Variants in SOX13 observed in about 807,000 individuals in gnomAD.
SOX13 encodes SRY-box transcription factor 13, also known as transcription factor SOX-13.
A neutral mutation model predicts 71.8 loss-of-function variants in SOX13; 28 were observed. The observed-to-expected ratio is 0.39, with a 90% CI of 0.29 to 0.53. The LOEUF (loss-of-function observed/expected upper bound fraction) is 0.53. Ranked by LOEUF, SOX13 falls within the 20% of genes least tolerant of loss-of-function variation. The pLI, the probability that SOX13 is intolerant of heterozygous loss-of-function variation, is 0.70. For missense variants in SOX13, 627 were observed against 810.3 expected, an observed-to-expected ratio of 0.77 and a Z score of 2.75; for synonymous variants, 309 against 317.8, an observed-to-expected ratio of 0.97 and a Z score of 0.29.
At chr1:204,086,302 A>T (rs113420844) in intron 1 of SOX13, among the ~76,000 whole-genome samples, 6,313 of 152,118 alleles carry the variant, frequency 0.042, 385 homozygotes, top group African/African-American at 0.14. Flanking sequence ...TCAACTTTTT[A>T]AAAAATTTTT....
chr1:204,087,558 G>C (rs1319420645), intron 1 of SOX13, among the ~76,000 whole-genome samples: 1 of 152,234 alleles, frequency 6.6e-6, no homozygotes, highest in Non-Finnish European at 1.5e-5. Flanking sequence ...TAAGGCCCTG[G>C]TCTAGCTTCT....
At chr1:204,075,412 C>T (rs1425707684) in intron 1 of SOX13, among the ~76,000 whole-genome samples, 1 of 152,378 alleles carries the variant, frequency 6.6e-6, no homozygotes, top group East Asian at 1.9e-4. Context: ...CCCCTGTTTC[C>T]ACTGTGCTTC....
chr1:204,115,647 GCTT>G (rs1007308930), intron 4 of SOX13, among the ~76,000 whole-genome samples: 21 of 135,952 alleles, frequency 1.5e-4, no homozygotes, highest in African/African-American at 4.3e-4. Context: ...ATATATTAGC[GCTT>G]CTTCTTCTTT....
intron 1 of SOX13, among the ~76,000 whole-genome samples, chr1:204,098,057 C>A (rs115757936): frequency 0.01 from 1,569 of 152,230 alleles, 32 homozygotes; most frequent in African/African-American, 0.036. Flanking sequence ...GATGGGATTT[C>A]ACCATGTTGC....
At chr1:204,108,073 A>T (rs1351387030) in intron 1 of SOX13, among the ~76,000 whole-genome samples, 1 of 152,136 alleles carries the variant, frequency 6.6e-6, no homozygotes, top group African/African-American at 2.4e-5. Flanking sequence ...GCTCAAAGGG[A>T]GGAGGTGTCC....
chr1:204,116,867 G>A lies in SOX13; in HGVS notation c.591+188G>A, dbSNP rs77760066. ...ATTCATGAGCCCTTGTACAGGGTTAGGGGTGGGAGGGTATGAAAGGGACTC... is the reference window on the plus strand; with the variant it reads ...ATTCATGAGCCCTTGTACAGGGTTAAGGGTGGGAGGGTATGAAAGGGACTC... On this transcript the variant is annotated intron_variant, in intron 5 of 13. Transcript: ENST00000367204. Among the ~76,000 whole-genome samples the A allele has an allele frequency of 2.4e-3, 358 of 152,302 alleles. 2 individuals are homozygous for A. The highest frequency in any genetic ancestry group is 8.2e-3 in the African/African-American group (340 of 41,562).
intron 1 of SOX13, among the ~76,000 whole-genome samples, chr1:204,085,968 CAAA>C (rs761848065): frequency 2.0e-5 from 2 of 98,038 alleles, no homozygotes; most frequent in Non-Finnish European, 2.2e-5. Context: ...GACTCCGTCT[CAAA>C]AAAAAAAAAA....
chr1:204,110,107 CA>C (rs1281573821), intron 1 of SOX13, among the ~76,000 whole-genome samples: 1 of 152,098 alleles, frequency 6.6e-6, no homozygotes, highest in Non-Finnish European at 1.5e-5. Flanking sequence ...GCTGGAATTA[CA>C]GGCATGAGCC....
At chr1:204,088,223 C>G (rs919461439) in intron 1 of SOX13, among the ~76,000 whole-genome samples, 3 of 152,150 alleles carry the variant, frequency 2.0e-5, no homozygotes, top group Non-Finnish European at 4.4e-5. Flanking sequence ...TTTTCTCTTC[C>G]CCTGTGGTCA....
At chr1:204,116,107 A>G (rs2102258329) in intron 4 of SOX13, 2 of 1,148,892 alleles carry the variant, frequency 1.7e-6, no homozygotes, top group Non-Finnish European at 2.2e-6. Context: ...TGAAATGGGA[A>G]TTTGACCCCA....
chr1:204,122,709 G>A (rs972443521), intron 9 of SOX13, 145 bp from the exon 10 acceptor site: 75 of 625,090 alleles, frequency 1.2e-4, no homozygotes, highest in Non-Finnish European at 1.8e-4. Context: ...CAATGCAGCC[G>A]CCCTGTGGAA....
At chr1:204,085,672 A>T (rs1362930362) in intron 1 of SOX13, among the ~76,000 whole-genome samples, 2 of 142,036 alleles carry the variant, frequency 1.4e-5, no homozygotes, top group Non-Finnish European at 3.2e-5. Flanking sequence ...CAGAAAGTGC[A>T]TATTTAAAAA....
intron 1 of SOX13, among the ~76,000 whole-genome samples, chr1:204,082,243 T>G (rs546331576): frequency 1.3e-5 from 2 of 149,344 alleles, no homozygotes; most frequent in Non-Finnish European, 3.0e-5. Context: ...CCAGGTGTGG[T>G]GTGTGTGTGT....
chr1:204,115,510 A>AAC (rs1449686961), intron 4 of SOX13, among the ~76,000 whole-genome samples: 8 of 149,608 alleles, frequency 5.3e-5, no homozygotes, highest in Non-Finnish European at 8.9e-5. Flanking sequence ...AAAAAAAAAA[A>AAC]AAAGGTCTAT....
At position 204,121,933 on chromosome 1, in the gene SOX13, C is replaced by T. The variant is rs2736720; in HGVS notation, c.809C>T (p.Pro270Leu). The change falls in exon 8 of 14, where the codon CCT (proline) becomes CTT (leucine). Residue 270 changes from proline (P) to leucine (L), a missense_variant. By Grantham distance (98) the Pro-to-Leu change is moderately conservative. Around this residue, in one of 3 missense-constraint regions of SOX13, gnomAD observed 447 missense variants for 532.2 expected, o/e 0.84. Coordinates refer to ENST00000367204, the MANE Select transcript of SOX13 (RefSeq NM_005686.3). ...EYPLQLLHSP[P>L]APVVKRPGAM... ...CCGCTGCAGCTGCTGCACAGCCCCCCTGCCCCAGTGGTGAAGAGGCCTGGG... is the reference window on the plus strand; with the variant it reads ...CCGCTGCAGCTGCTGCACAGCCCCCTTGCCCCAGTGGTGAAGAGGCCTGGG... The T allele has an allele frequency of 1.2e-6, 2 of 1,613,020 alleles. No homozygotes were observed. The highest frequency in any genetic ancestry group is 1.7e-6 in the Non-Finnish European group (2 of 1,179,116).
intron 1 of SOX13, among the ~76,000 whole-genome samples, chr1:204,108,450 G>A (rs1656513817): frequency 6.6e-6 from 1 of 152,222 alleles, no homozygotes; most frequent in South Asian, 2.1e-4. Flanking sequence ...TCCACCATCA[G>A]CTCCAGGGAT....
chr1:204,082,696 G>C (rs1046515679), intron 1 of SOX13, among the ~76,000 whole-genome samples: 4 of 152,186 alleles, frequency 2.6e-5, no homozygotes, highest in Non-Finnish European at 4.4e-5. Context: ...GGGAGAGGAG[G>C]CCTCTCCTCC....
intron 1 of SOX13, among the ~76,000 whole-genome samples, chr1:204,096,239 G>GTTTTTTTTTTTTTTTTTTTTTTTTTCTT (rs59094119): frequency 1.2e-5 from 1 of 85,360 alleles, no homozygotes; most frequent in Admixed American, 1.8e-4. Context: ...TCTTTCTTTC[G>GTTTTTTTTTTTTTTTTTTTTTTTTTCTT]TTTTTTTTTT....
intron 8 of SOX13, 36 bp from the exon 9 acceptor site, chr1:204,122,201 T>G: frequency 6.6e-7 from 1 of 1,519,990 alleles, no homozygotes; most frequent in Non-Finnish European, 8.9e-7. Flanking sequence ...TGTCCTTTGG[T>G]GTCTGTCATC....
Sources: gnomAD v4.1 joint callset for allele counts (sites outside exome capture counted in the v4.1 genomes callset) on GRCh38, gnomAD v4.1.1 for gene constraint, gnomAD v4.1.1 regional missense constraint, MANE v1.5 for transcripts, NCBI Gene and HGNC (gene_info 2026-07-23, HGNC 2026-07-21) for gene names.